Variants in FAM78A observed in about 807,000 individuals in gnomAD.
FAM78A encodes the protein family with sequence similarity 78 member A.
Under a neutral mutation model 22.6 loss-of-function variants are expected in FAM78A, and 12 were observed. That is an observed-to-expected ratio of 0.53 (90% CI 0.34 to 0.86). The LOEUF is 0.86. Ranked by LOEUF, FAM78A falls within the 40% of genes least tolerant of loss-of-function variation. The pLI is 0.02. For synonymous variants in FAM78A, 151 were observed against 155.8 expected (o/e 0.97, Z 0.23); for missense variants, 322 against 396.1 (o/e 0.81, Z 1.59).
In FAM78A at chr9:131,265,312, A is replaced by G. The variant is rs1333160518; in HGVS notation, c.324-3962T>C. 1.3e-5 allele frequency among the ~76,000 whole-genome samples: 2 copies of G among 152,016 alleles called. No homozygotes were observed. The highest frequency in any genetic ancestry group is 6.5e-5 in the Admixed American group (1 of 15,276). ...CTCTTCCTGGCCAGGCCGGAGTGCA[A>G]TGGCATGATCTCAGCTCACTGCAAC... On this transcript the variant is annotated intron_variant, in intron 1 of 1. Transcript: ENST00000372271. The surrounding 1 kb of genome is among the most constrained non-coding windows in gnomAD (Gnocchi z 4.3).
In FAM78A at chr9:131,275,124, C is replaced by A. The variant is rs1274061532; in HGVS notation, c.323+733G>T. On this transcript the variant is annotated intron_variant, in intron 1 of 1. Transcript: ENST00000372271. This position sits in a 1 kb window ranked among gnomAD's most constrained non-coding sequence, Gnocchi z 4.6. ...GGGTCCCAGGGTCCTCACCGGGACCCCCAATACCCTAGGCACACTCTGGAG... is the reference window on the plus strand; with the variant it reads ...GGGTCCCAGGGTCCTCACCGGGACCACCAATACCCTAGGCACACTCTGGAG... Among the ~76,000 whole-genome samples the A allele has an allele frequency of 6.6e-6, 1 of 152,182 alleles. No homozygotes were observed. Among genetic ancestry groups the A allele is most frequent in the Non-Finnish European group, 1.5e-5 (1 of 68,030 alleles).
chr9:131,279,011 C>T (rs1244934784), upstream of FAM78A, among the ~76,000 whole-genome samples: 1 of 152,244 alleles, frequency 6.6e-6, no homozygotes, highest in East Asian at 1.9e-4. Context: ...ACCGGCTCAG[C>T]CATGGAGCAG....
At chr9:131,266,876 G>A (rs761020571) in intron 1 of FAM78A, among the ~76,000 whole-genome samples, 25 of 152,296 alleles carry the variant, frequency 1.6e-4, no homozygotes, top group Non-Finnish European at 2.9e-4. Flanking sequence ...GGTCTCCCTC[G>A]AAGCCCACAG....
At chr9:131,266,810 C>A (rs553367101) in intron 1 of FAM78A, among the ~76,000 whole-genome samples, 43 of 152,380 alleles carry the variant, frequency 2.8e-4, no homozygotes, top group Non-Finnish European at 4.7e-4. Context: ...GCACCTGGCC[C>A]AGCTTCAGGC....
At chr9:131,266,576 G>C (rs1308719280) in intron 1 of FAM78A, among the ~76,000 whole-genome samples, 3 of 151,702 alleles carry the variant, frequency 2.0e-5, no homozygotes, top group African/African-American at 4.9e-5. Context: ...CAGCTCTGCA[G>C]CCACCACCCC....
At chr9:131,270,030 A>C (rs1406168735) in intron 1 of FAM78A, among the ~76,000 whole-genome samples, 4 of 121,656 alleles carry the variant, frequency 3.3e-5, no homozygotes, top group South Asian at 2.8e-4. Flanking sequence ...CCCCATCCCT[A>C]CTAAAATAAA....
rs373268674 is a variant in FAM78A at position 131,275,882 on chromosome 9, A to G, written c.298T>C (p.Tyr100His). ...ATGCCCTGCTCGCCGTACTGGTTGT[A>G]GAACTCCATGTGGCTGCACGCCTGG... ...WIQACSHMEF[Y>H]NQYGEQGMSS... The change falls in exon 1 of 2, where the codon TAC (tyrosine) becomes CAC (histidine). Residue 100 changes from tyrosine (Y) to histidine (H), a missense_variant. Physicochemically the swap from Tyr to His is moderately conservative, Grantham distance 83. Transcript: ENST00000372271. The surrounding 1 kb of genome is among the most constrained non-coding windows in gnomAD (Gnocchi z 4.6). 34 of 1,605,202 alleles carry G rather than the reference A, an allele frequency of 2.1e-5. No homozygotes were observed. The highest frequency in any genetic ancestry group is 2.7e-5 in the Non-Finnish European group (32 of 1,175,050).
In FAM78A at chr9:131,261,476, C is replaced by T; in HGVS notation, c.324-126G>A. ...CGGACCCAGCAGACCACCCGGTCCC[C>T]TTTGACGTTCTGGGGGCAGGGGGTC... On this transcript the variant is annotated intron_variant, in intron 1 of 1. Transcript: ENST00000372271. This position sits in a 1 kb window ranked among gnomAD's most constrained non-coding sequence, Gnocchi z 7.1. The T allele has an allele frequency of 1.2e-6, 1 of 833,932 alleles. No individual in the cohort carries two copies. Among genetic ancestry groups the T allele is most frequent in the South Asian group, 1.9e-5 (1 of 52,670 alleles). 51.7% of individuals were successfully genotyped at this position (833,932 alleles called of 1,614,324 possible). A position where few individuals can be genotyped will look rare whatever the true frequency, so the allele number is the denominator to read the frequency against.
rs1835339099 is a variant in FAM78A, at chr9:131,265,992, G to T, written c.324-4642C>A. Among the ~76,000 whole-genome samples the T allele has an allele frequency of 6.6e-6, 1 of 152,158 alleles. No individual in the cohort carries two copies. The highest frequency in any genetic ancestry group is 1.5e-5 in the Non-Finnish European group (1 of 68,006). ...ATCATCACCCACCCAACAAACATCT[G>T]CAGGGCACCTGCTTTCCATGTCTCA... On this transcript the variant is annotated intron_variant, in intron 1 of 1. Transcript: ENST00000372271. This position sits in a 1 kb window ranked among gnomAD's most constrained non-coding sequence, Gnocchi z 4.3.
In FAM78A at chr9:131,276,500, G is replaced by A; in HGVS notation, c.-321C>T. 4.9e-6 allele frequency: 1 copy of A among 202,034 alleles called. No individual in the cohort carries two copies. The highest frequency in any genetic ancestry group is 5.8e-5 in the Admixed American group (1 of 17,204). The allele number at this position is 202,034 out of a possible 1,614,324, so 12.5% of individuals were successfully genotyped here. ...CGGCAGCTCGCAGACTCTCCCTGAA[G>A]TCTTCGGAGGAAGCAGGCGAGCGCC... On this transcript the variant is annotated 5_prime_UTR_variant, in exon 1 of 2. Coordinates refer to ENST00000372271, the MANE Select transcript of FAM78A (RefSeq NM_033387.4). This position sits in a 1 kb window ranked among gnomAD's most constrained non-coding sequence, Gnocchi z 4.3.
chr9:131,258,187 A>G lies in FAM78A; in HGVS notation c.*2635T>C, dbSNP rs1013962559. 1 of 152,078 alleles carries G rather than the reference A, an allele frequency of 6.6e-6. No individual in the cohort carries two copies. The highest frequency in any genetic ancestry group is 1.5e-5 in the Non-Finnish European group (1 of 68,016). The allele number at this position is 152,078 out of a possible 1,614,324, so 9.4% of individuals were successfully genotyped here. A position where few individuals can be genotyped will look rare whatever the true frequency, so the allele number is the denominator to read the frequency against. Reference sequence around the variant, plus strand: ...TTCAAGAGTCTTGTGCCTCCTGGTAAGTGCATTGGTTTGTTTCACAGTACT... The same window carrying G: ...TTCAAGAGTCTTGTGCCTCCTGGTAGGTGCATTGGTTTGTTTCACAGTACT... On this transcript the variant is annotated 3_prime_UTR_variant, in exon 2 of 2. Transcript: ENST00000372271.
In FAM78A at chr9:131,261,001, G is replaced by A. The variant is rs1003790991; in HGVS notation, c.673C>T (p.Leu225=). The change falls in exon 2 of 2, where the codon CTG becomes TTG. Residue 225 remains leucine, a synonymous_variant. Transcript: ENST00000372271. This position sits in a 1 kb window ranked among gnomAD's most constrained non-coding sequence, Gnocchi z 7.1. ...TCCCGCAGCCGGGCGCGCTGGCCCAGGGGCCGGTTGGGGTTCACCTCGATG... is the reference window on the plus strand; with the variant it reads ...TCCCGCAGCCGGGCGCGCTGGCCCAAGGGCCGGTTGGGGTTCACCTCGATG... The part of the protein sequence containing the change: ...LSIEVNPNRP[L]GQRARLREPI... 2 of 1,613,652 alleles carry A rather than the reference G, an allele frequency of 1.2e-6. No homozygotes were observed. The highest frequency in any genetic ancestry group is 3.3e-5 in the Admixed American group (2 of 59,980).
upstream of FAM78A, among the ~76,000 whole-genome samples, chr9:131,278,871 C>A (rs922100888): frequency 1.3e-5 from 2 of 152,274 alleles, no homozygotes; most frequent in Non-Finnish European, 2.9e-5. Flanking sequence ...CGGCACAGGG[C>A]AGGTGCTTCC....
At chr9:131,278,112 C>G (rs1835508356), upstream of FAM78A, among the ~76,000 whole-genome samples, 1 of 150,874 alleles carries the variant, frequency 6.6e-6, no homozygotes, top group African/African-American at 2.4e-5. Context: ...ACCCTCGCTC[C>G]CCGCACACAG....
chr9:131,277,200 G>A (rs1835498007), upstream of FAM78A, among the ~76,000 whole-genome samples: 1 of 151,684 alleles, frequency 6.6e-6, no homozygotes, highest in Non-Finnish European at 1.5e-5. The surrounding 1 kb of genome is among the most constrained non-coding windows in gnomAD (Gnocchi z 8.4). Context: ...GTCCCGGACG[G>A]GCGGGGTGGG....
intron 1 of FAM78A, among the ~76,000 whole-genome samples, chr9:131,268,667 G>T (rs184770926): frequency 4.6e-5 from 7 of 152,330 alleles, no homozygotes; most frequent in Non-Finnish European, 1.0e-4. Flanking sequence ...TCGGGAGGCC[G>T]AGGCGGGCGG....
rs866713801 is a variant in FAM78A at position 131,265,013 on chromosome 9, C to G, written c.324-3663G>C. The stretch of plus-strand genomic sequence containing the variant: ...GTCTGGGATTACAGGCGTGAGCCAC[C>G]GTCCCCAGCCGAATTATTTTTATAT... On this transcript the variant is annotated intron_variant, in intron 1 of 1. Transcript: ENST00000372271. This position sits in a 1 kb window ranked among gnomAD's most constrained non-coding sequence, Gnocchi z 4.3. Among the ~76,000 whole-genome samples, 1 of 152,064 alleles carries G rather than the reference C, an allele frequency of 6.6e-6. No homozygotes were observed. The highest frequency in any genetic ancestry group is 1.5e-5 in the Non-Finnish European group (1 of 68,006).
In FAM78A at chr9:131,259,618, G is replaced by C. The variant is rs902048069; in HGVS notation, c.*1204C>G. The C allele has an allele frequency of 1.3e-5, 2 of 152,648 alleles. No individual in the cohort carries two copies. Among genetic ancestry groups the C allele is most frequent in the East Asian group, 3.9e-4 (2 of 5,186 alleles). 9.5% of individuals were successfully genotyped at this position (152,648 alleles called of 1,614,324 possible). A position where few individuals can be genotyped will look rare whatever the true frequency, so the allele number is the denominator to read the frequency against. ...GAGGGCCTGGGAGGGGCGCCCCTGA[G>C]AACGAGCCCTGTCTTGGCCCTTTTA... is the stretch of plus-strand genomic sequence containing the variant. On this transcript the variant is annotated 3_prime_UTR_variant, in exon 2 of 2. Transcript: ENST00000372271.
upstream of FAM78A, among the ~76,000 whole-genome samples, chr9:131,280,337 G>A (rs1835530045): frequency 1.3e-5 from 2 of 152,298 alleles, no homozygotes; most frequent in East Asian, 1.9e-4. Flanking sequence ...CCGGAGCTCC[G>A]TGGGTGTTGG....
Sources: gnomAD v4.1 joint callset for allele counts (sites outside exome capture counted in the v4.1 genomes callset) on GRCh38, gnomAD v4.1.1 for gene constraint, Gnocchi (gnomAD v3.1) non-coding constraint, MANE v1.5 for transcripts, NCBI Gene and HGNC (gene_info 2026-07-23, HGNC 2026-07-21) for gene names.